Variants in PNPLA6 observed in about 807,000 individuals in gnomAD.
PNPLA6 encodes patatin-like phospholipase domain-containing protein 6.
Under a neutral mutation model 153.7 loss-of-function variants are expected in PNPLA6, and 105 were observed. The ratio of observed to expected loss-of-function variants is 0.68; its 90% CI spans 0.58 to 0.80. PNPLA6 has a LOEUF of 0.80. Among genes scored for constraint, PNPLA6 ranks in the 30% least tolerant of loss-of-function variants. The pLI is 0.00. For synonymous variants in PNPLA6, 825 were observed against 822.2 expected, an observed-to-expected ratio of 1.00 and a Z score of -0.06; for missense variants, 1,423 against 1,919.3, an observed-to-expected ratio of 0.74 and a Z score of 4.83.
In PNPLA6 at chr19:7,540,070, G is replaced by A. The variant is rs775227844; in HGVS notation, c.554+12G>A. The A allele has an allele frequency of 6.2e-7, 1 of 1,614,058 alleles. No homozygotes were observed. ...CTCAAGAACGTCCGGTCAGTGTTGGGGTGCAGGTGGGGGTGGAGGGCTGCA... is the reference window on the plus strand; with the variant it reads ...CTCAAGAACGTCCGGTCAGTGTTGGAGTGCAGGTGGGGGTGGAGGGCTGCA... On this transcript the variant is annotated intron_variant, in intron 4 of 31. Transcript: ENST00000600737. This position sits in a 1 kb window ranked among gnomAD's most constrained non-coding sequence, Gnocchi z 6.8.
chr19:7,547,821 T>TAAA (rs1568413536), intron 13 of PNPLA6, among the ~76,000 whole-genome samples: 11 of 17,424 alleles, frequency 6.3e-4, no homozygotes, highest in South Asian at 5.0e-3. Context: ...ATTTTTTTTT[T>TAAA]TTTTTTTTTT....
rs1316120599 is a variant in PNPLA6 at position 7,540,498 on chromosome 19, G to A, written c.715-132G>A. Reference sequence around the variant, plus strand: ...AAGTATTGAACGATGGGAGATGCCTGCTCGTTGGAAGGGTTGGTGGGTTCC... The same window carrying A: ...AAGTATTGAACGATGGGAGATGCCTACTCGTTGGAAGGGTTGGTGGGTTCC... On this transcript the variant is annotated intron_variant, in intron 5 of 31. Transcript: ENST00000600737. The surrounding 1 kb of genome is among the most constrained non-coding windows in gnomAD (Gnocchi z 6.8). 6 of 987,280 alleles carry A rather than the reference G, an allele frequency of 6.1e-6. No homozygotes were observed. The highest frequency in any genetic ancestry group is 9.6e-6 in the Non-Finnish European group (6 of 626,922). The allele number at this position is 987,280 out of a possible 1,614,324, so 61.2% of individuals were successfully genotyped here.
At position 7,540,520 on chromosome 19, in the gene PNPLA6, T is replaced by A. The variant is rs2023084021; in HGVS notation, c.715-110T>A. The A allele has an allele frequency of 9.3e-7, 1 of 1,069,958 alleles. No homozygotes were observed. The highest frequency in any genetic ancestry group is 1.7e-5 in the Admixed American group (1 of 57,552). The allele number at this position is 1,069,958 out of a possible 1,614,324, so 66.3% of individuals were successfully genotyped here. ...CCTGCTCGTTGGAAGGGTTGGTGGG[T>A]TCCCCTGAGAAGGGATGAGAAGTGT... On this transcript the variant is annotated intron_variant, in intron 5 of 31. Transcript: ENST00000600737. The surrounding 1 kb of genome is among the most constrained non-coding windows in gnomAD (Gnocchi z 6.8).
chr19:7,555,636 C>T lies in PNPLA6; in HGVS notation c.2966C>T (p.Ala989Val). 13 of 1,612,742 alleles carry T rather than the reference C, an allele frequency of 8.1e-6. No individual in the cohort carries two copies. The highest frequency in any genetic ancestry group is 1.1e-5 in the Non-Finnish European group (13 of 1,179,826). The stretch of plus-strand genomic sequence containing the variant: ...TGCTCGCACATCGGAGTACTAAAGG[C>T]ATTAGAGGAGGCGGGGGTCCCCGTG... Reference protein sequence around the residue: ...RGCSHIGVLKALEEAGVPVDL... With the variant: ...RGCSHIGVLKVLEEAGVPVDL... Residue 989 changes from alanine to valine, a missense_variant, in exon 24 of 32, where the codon GCA becomes GTA. Around this residue, in one of 10 missense-constraint regions of PNPLA6, gnomAD observed 643 missense variants for 835.2 expected, o/e 0.77. Coordinates refer to ENST00000600737, the MANE Select transcript of PNPLA6 (RefSeq NM_001166114.2). This position sits in a 1 kb window ranked among gnomAD's most constrained non-coding sequence, Gnocchi z 6.3.
rs780987427 is a variant in PNPLA6 at position 7,550,986 on chromosome 19, C to G, written c.2071-8C>G. 4 of 1,529,480 alleles carry G rather than the reference C, an allele frequency of 2.6e-6. No homozygotes were observed. Among genetic ancestry groups the G allele is most frequent in the Non-Finnish European group, 3.5e-6 (4 of 1,133,854 alleles). 94.7% of individuals were successfully genotyped at this position (1,529,480 alleles called of 1,614,324 possible). A position where few individuals can be genotyped will look rare whatever the true frequency, so the allele number is the denominator to read the frequency against. Reference sequence around the variant, plus strand: ...CAAGCAGCCCCAATCATGCACGCGGCCCCCCAGGTGGAGGCACTGACCCGG... The same window carrying G: ...CAAGCAGCCCCAATCATGCACGCGGGCCCCCAGGTGGAGGCACTGACCCGG... On this transcript the variant is annotated splice_region_variant and splice_polypyrimidine_tract_variant and intron_variant, in intron 16 of 31. Transcript: ENST00000600737.
rs777841636 is a variant in PNPLA6 at position 7,542,546 on chromosome 19, C to A, written c.1253-15C>A. 1.9e-6 allele frequency: 3 copies of A among 1,598,798 alleles called. No individual in the cohort carries two copies. Among genetic ancestry groups the A allele is most frequent in the Admixed American group, 1.7e-5 (1 of 60,012 alleles). On this transcript the variant is annotated splice_polypyrimidine_tract_variant and intron_variant, in intron 10 of 31. Coordinates refer to ENST00000600737, the MANE Select transcript of PNPLA6 (RefSeq NM_001166114.2). ...TCATCTTTATGGTTTTTGTTGCCCCCCTGCCTGCCTGCAGGCTTGCAGGGT... is the reference window on the plus strand; with the variant it reads ...TCATCTTTATGGTTTTTGTTGCCCCACTGCCTGCCTGCAGGCTTGCAGGGT...
Position 7,536,541 on chromosome 19 carries a change from C to T in PNPLA6, c.408C>T (p.Ala136=), listed in dbSNP as rs139856654. 5 of 1,609,294 alleles carry T rather than the reference C, an allele frequency of 3.1e-6. No homozygotes were observed. The highest frequency in any genetic ancestry group is 4.5e-5 in the East Asian group (2 of 44,866). ...AGAAACTGAAGATGCTCAACATTGC[C>T]AAGAAGTAAGGCTGTGCTGGGTGTG... is the stretch of plus-strand genomic sequence containing the variant. ...MRKKLKMLNI[A]KKILRIQKET... The change falls in exon 3 of 32, where the codon GCC becomes GCT. Residue 136 remains alanine, a synonymous_variant. Transcript: ENST00000600737.
Position 7,556,435 on chromosome 19 carries a change from C to A in PNPLA6, c.3094-18C>A, listed in dbSNP as rs370149053. On this transcript the variant is annotated intron_variant, in intron 24 of 31. Coordinates refer to ENST00000600737, the MANE Select transcript of PNPLA6 (RefSeq NM_001166114.2). ...CCATGTAACTCCTATTTGACCCTGTCTGGCCCCTTGTCCCTAGAGCATGAC... is the reference window on the plus strand; with the variant it reads ...CCATGTAACTCCTATTTGACCCTGTATGGCCCCTTGTCCCTAGAGCATGAC... The A allele has an allele frequency of 1.1e-5, 17 of 1,508,974 alleles. No individual in the cohort carries two copies. The highest frequency in any genetic ancestry group is 3.3e-5 in the Admixed American group (2 of 59,880). The allele number at this position is 1,508,974 out of a possible 1,614,324, so 93.5% of individuals were successfully genotyped here. A position where few individuals can be genotyped will look rare whatever the true frequency, so the allele number is the denominator to read the frequency against.
chr19:7,535,733 G>A lies in PNPLA6; in HGVS notation c.-56G>A. 2 of 1,518,966 alleles carry A rather than the reference G, an allele frequency of 1.3e-6. No individual in the cohort carries two copies. Among genetic ancestry groups the A allele is most frequent in the Admixed American group, 2.0e-5 (1 of 50,474 alleles). The allele number at this position is 1,518,966 out of a possible 1,614,324, so 94.1% of individuals were successfully genotyped here. On this transcript the variant is annotated 5_prime_UTR_variant, in exon 1 of 32. Coordinates refer to ENST00000600737, the MANE Select transcript of PNPLA6 (RefSeq NM_001166114.2). This position sits in a 1 kb window ranked among gnomAD's most constrained non-coding sequence, Gnocchi z 5.0. ...TCCCGGCATGCACTGCGGGCCGCCG[G>A]GCCTCAGGGAAGAGTCGCGCCCCCG...
chr19:7,537,317 CTG>C, intron 3 of PNPLA6, among the ~76,000 whole-genome samples: 1 of 152,210 alleles, frequency 6.6e-6, no homozygotes, highest in East Asian at 1.9e-4. Context: ...TCAGGCATCT[CTG>C]TACATCAGAA....
At position 7,555,550 on chromosome 19, in the gene PNPLA6, C is replaced by T. The variant is rs2023841214; in HGVS notation, c.2937-57C>T. The stretch of plus-strand genomic sequence containing the variant: ...TGCGGGAGGTGGGAGGAGGTAGGGG[C>T]AGGGGAGTTCCTGCAGGTGGGGCCT... On this transcript the variant is annotated intron_variant, in intron 23 of 31. Coordinates refer to ENST00000600737, the MANE Select transcript of PNPLA6 (RefSeq NM_001166114.2). The surrounding 1 kb of genome is among the most constrained non-coding windows in gnomAD (Gnocchi z 6.3). The T allele has an allele frequency of 1.4e-5, 22 of 1,585,602 alleles. No individual in the cohort carries two copies. Among genetic ancestry groups the T allele is most frequent in the East Asian group, 2.3e-5 (1 of 44,428 alleles).
intron 24 of PNPLA6, among the ~76,000 whole-genome samples, chr19:7,556,052 C>A (rs1364751020): frequency 8.7e-5 from 10 of 114,618 alleles, no homozygotes; most frequent in Non-Finnish European, 1.5e-4. Context: ...CCTAAGTGTT[C>A]CTTTTTTTTT....
At chr19:7,560,954 C>A in intron 29 of PNPLA6, 60 bp from the exon 30 acceptor site, 1 of 1,107,498 alleles carries the variant, frequency 9.0e-7, no homozygotes, top group Non-Finnish European at 1.3e-6. Context: ...CACTGGGCCC[C>A]CCAGGGGCCC....
At chr19:7,534,360 AC>A (rs1393477954), upstream of PNPLA6, 1 of 173,132 alleles carries the variant, frequency 5.8e-6, no homozygotes, top group Non-Finnish European at 1.3e-5. Flanking sequence ...ATGTTCCCAT[AC>A]CCCCCACGTC....
In PNPLA6 at chr19:7,561,700, C is replaced by T. The variant is rs1376751494; in HGVS notation, c.*138C>T. The T allele has an allele frequency of 7.0e-6, 5 of 713,606 alleles. No individual in the cohort carries two copies. Among genetic ancestry groups the T allele is most frequent in the African/African-American group, 3.5e-5 (2 of 57,558 alleles). 44.2% of individuals were successfully genotyped at this position (713,606 alleles called of 1,614,324 possible). A position where few individuals can be genotyped will look rare whatever the true frequency, so the allele number is the denominator to read the frequency against. On this transcript the variant is annotated 3_prime_UTR_variant, in exon 32 of 32. Transcript: ENST00000600737. ...ACACACTGGACTGACCTGCCCTGAG[C>T]GGGGATGCAGTGTTGCACTGATGAC...
chr19:7,535,446 C>T, upstream of PNPLA6: 1 of 1,185,420 alleles, frequency 8.4e-7, no homozygotes. This position sits in a 1 kb window ranked among gnomAD's most constrained non-coding sequence, Gnocchi z 5.0. Flanking sequence ...GGGCTTGAGG[C>T]AGGGGAGAGG....
chr19:7,540,019 A>T lies in PNPLA6; in HGVS notation c.515A>T (p.His172Leu). ...ACCGAGGGCGACCTGGCTAACTCCCATCTGCCCTCTGAAGTGCTTTATATG... is the reference window on the plus strand; with the variant it reads ...ACCGAGGGCGACCTGGCTAACTCCCTTCTGCCCTCTGAAGTGCTTTATATG... ...DLTEGDLANS[H>L]LPSEVLYMLK... Residue 172 changes from histidine to leucine, a missense_variant, in exon 4 of 32, where the codon CAT becomes CTT. His to Leu is a moderately conservative substitution (Grantham distance 99). Around this residue, in one of 10 missense-constraint regions of PNPLA6, gnomAD observed 74 missense variants for 171.3 expected, o/e 0.43. Coordinates refer to ENST00000600737, the MANE Select transcript of PNPLA6 (RefSeq NM_001166114.2). This position sits in a 1 kb window ranked among gnomAD's most constrained non-coding sequence, Gnocchi z 6.8. 1 of 1,609,290 alleles carries T rather than the reference A, an allele frequency of 6.2e-7. No individual in the cohort carries two copies. The highest frequency in any genetic ancestry group is 8.5e-7 in the Non-Finnish European group (1 of 1,177,868).
rs770648482 is a variant in PNPLA6 at position 7,555,814 on chromosome 19, G to A, written c.3093+51G>A. The A allele has an allele frequency of 6.3e-7, 1 of 1,598,650 alleles. No individual in the cohort carries two copies. Among genetic ancestry groups the A allele is most frequent in the Non-Finnish European group, 8.5e-7 (1 of 1,172,550 alleles). On this transcript the variant is annotated intron_variant, in intron 24 of 31. Coordinates refer to ENST00000600737, the MANE Select transcript of PNPLA6 (RefSeq NM_001166114.2). The surrounding 1 kb of genome is among the most constrained non-coding windows in gnomAD (Gnocchi z 6.3). Reference sequence around the variant, plus strand: ...GCACCCCAGGAGTGCCATAAAACCCGTGGTTCCAACCTAACCTGATCCCAT... The same window carrying A: ...GCACCCCAGGAGTGCCATAAAACCCATGGTTCCAACCTAACCTGATCCCAT...
rs773824172 is a variant in PNPLA6, at chr19:7,542,087, C to T, written c.1252+20C>T. On this transcript the variant is annotated intron_variant, in intron 10 of 31. Transcript: ENST00000600737. ...TCTCAGGTTTGGAGCACTGGGTCTG[C>T]GGGGAGGGCCATGGAGCTTCCAGGT... 32 of 1,591,548 alleles carry T rather than the reference C, an allele frequency of 2.0e-5. No individual in the cohort carries two copies. Among genetic ancestry groups the T allele is most frequent in the Admixed American group, 1.5e-4 (9 of 59,962 alleles).
Sources: gnomAD v4.1 joint callset for allele counts (sites outside exome capture counted in the v4.1 genomes callset) on GRCh38, gnomAD v4.1.1 for gene constraint, gnomAD v4.1.1 regional missense constraint, Gnocchi (gnomAD v3.1) non-coding constraint, MANE v1.5 for transcripts, NCBI Gene and HGNC (gene_info 2026-07-23, HGNC 2026-07-21) for gene names.